Variants in ANKAR observed in about 807,000 individuals in gnomAD.
The protein encoded by ANKAR is ankyrin and armadillo repeat containing.
In ANKAR, 136 loss-of-function variants were observed where a neutral mutation model predicts 146.2. The observed-to-expected ratio is 0.93, with a 90% CI of 0.81 to 1.07. ANKAR has a LOEUF of 1.07. Among genes scored for constraint, ANKAR ranks in the 50% least tolerant of loss-of-function variants. The probability of loss-of-function intolerance (pLI) is 0.00; values close to 1 mark genes in which losing one functional copy is unlikely to be tolerated. For missense variants in ANKAR, 1,567 were observed against 1,679.9 expected (o/e 0.93, Z 1.18); for synonymous variants, 500 against 575.8 (o/e 0.87, Z 1.88).
chr2:189,732,227 T>A (rs918679532), intron 16 of ANKAR, among the ~76,000 whole-genome samples: 1 of 152,218 alleles, frequency 6.6e-6, no homozygotes, highest in Non-Finnish European at 1.5e-5. Flanking sequence ...CTTTAAAAAC[T>A]TATCTACTGA....
At chr2:189,741,574 T>A in intron 20 of ANKAR, 123 bp downstream of exon 20, 1 of 539,372 alleles carries the variant, frequency 1.9e-6, no homozygotes, top group Non-Finnish European at 3.1e-6. Flanking sequence ...TTCTTATTAC[T>A]AACTCAAAAT....
downstream of ANKAR, among the ~76,000 whole-genome samples, chr2:189,749,484 A>G (rs2044757010): frequency 6.6e-6 from 1 of 151,966 alleles, no homozygotes; most frequent in South Asian, 2.1e-4. Flanking sequence ...ACATTTAGTT[A>G]CTTTAATCAA....
At chr2:189,746,742 G>T, downstream of ANKAR, 1 of 1,147,264 alleles carries the variant, frequency 8.7e-7, no homozygotes, top group Non-Finnish European at 1.2e-6. Context: ...GAAAGTTCTT[G>T]ATCTCGATAC....
chr2:189,731,436 C>T (rs2042390794), intron 16 of ANKAR, among the ~76,000 whole-genome samples: 2 of 144,054 alleles, frequency 1.4e-5, no homozygotes. Context: ...TGCAATGGTG[C>T]CATCTCAGCT....
At chr2:189,707,230 A>G (rs1187157653) in intron 9 of ANKAR, 84 bp downstream of exon 9, 3 of 617,244 alleles carry the variant, frequency 4.9e-6, no homozygotes, top group Non-Finnish European at 7.5e-6. Flanking sequence ...AAATAAAATA[A>G]TACATGCATT....
intron 12 of ANKAR, among the ~76,000 whole-genome samples, chr2:189,723,887 T>C (rs1018664559): frequency 6.6e-6 from 1 of 152,206 alleles, no homozygotes; most frequent in Non-Finnish European, 1.5e-5. Context: ...TTTGGATTAC[T>C]GAATAGCTTA....
intron 9 of ANKAR, 87 bp from the exon 10 acceptor site, chr2:189,710,962 T>C: frequency 8.7e-7 from 1 of 1,147,062 alleles, no homozygotes; most frequent in Non-Finnish European, 1.3e-6. Flanking sequence ...CTGTTGGTTT[T>C]ATTTAGCTGG....
In ANKAR at chr2:189,743,409, T is replaced by C; in HGVS notation, c.3945T>C (p.Ser1315=). The change falls in exon 21 of 23, where the codon AGT becomes AGC. Residue 1315 remains serine (S), a synonymous_variant. Coordinates refer to ENST00000684021, the MANE Select transcript of ANKAR (RefSeq NM_001378068.1). ...RIKNNISRDA[S]INPAFLKEFQ... Reference sequence around the variant, plus strand: ...AAAATAATATCAGCAGAGATGCAAGTATTAACCCAGCATTTTTAAAGGAAT... The same window carrying C: ...AAAATAATATCAGCAGAGATGCAAGCATTAACCCAGCATTTTTAAAGGAAT... The C allele has an allele frequency of 6.2e-7, 1 of 1,613,990 alleles. No individual in the cohort carries two copies. Among genetic ancestry groups the C allele is most frequent in the South Asian group, 1.1e-5 (1 of 91,076 alleles).
chr2:189,680,377 T>C (rs912263742), intron 2 of ANKAR, among the ~76,000 whole-genome samples: 5 of 152,080 alleles, frequency 3.3e-5, no homozygotes, highest in Non-Finnish European at 7.4e-5. Context: ...TTTTATCTTT[T>C]CAAAAAACCA....
At chr2:189,717,413 A>C (rs1348714464) in intron 10 of ANKAR, among the ~76,000 whole-genome samples, 1 of 152,132 alleles carries the variant, frequency 6.6e-6, no homozygotes, top group Non-Finnish European at 1.5e-5. Flanking sequence ...GTTAGAATGG[A>C]GATCATTAAA....
At chr2:189,722,338 C>CAAAAAAAAA (rs10687526) in intron 12 of ANKAR, among the ~76,000 whole-genome samples, 1 of 128,440 alleles carries the variant, frequency 7.8e-6, no homozygotes, top group African/African-American at 3.0e-5. Flanking sequence ...GACTCCATCT[C>CAAAAAAAAA]AAAAAAAAAA....
chr2:189,718,231 T>C (rs975062564), intron 10 of ANKAR, among the ~76,000 whole-genome samples: 1 of 152,140 alleles, frequency 6.6e-6, no homozygotes, highest in Non-Finnish European at 1.5e-5. Context: ...GGCAGGAGGA[T>C]AGCTTGAGCC....
chr2:189,739,182 C>T (rs2043115326), intron 19 of ANKAR, among the ~76,000 whole-genome samples: 1 of 152,168 alleles, frequency 6.6e-6, no homozygotes, highest in Admixed American at 6.5e-5. Flanking sequence ...GTGTCTACTG[C>T]AGACCTAACC....
In ANKAR at chr2:189,744,634, A is replaced by G; in HGVS notation, c.4011-108A>G. The G allele has an allele frequency of 4.4e-6, 3 of 685,440 alleles. No individual in the cohort carries two copies. In the South Asian group the frequency reaches 5.5e-5, roughly 13 times the overall value. The allele number at this position is 685,440 out of a possible 1,614,324, so 42.5% of individuals were successfully genotyped here. On this transcript the variant is annotated intron_variant, in intron 21 of 22. Transcript: ENST00000684021. ...GGAGGTAACATGTATGAATTAGGCC[A>G]TTAGGCATTAAACCTGGTACTGTAA...
chr2:189,742,368 A>G (rs2043419033), intron 20 of ANKAR, among the ~76,000 whole-genome samples: 1 of 152,268 alleles, frequency 6.6e-6, no homozygotes, highest in East Asian at 1.9e-4. Context: ...CTACTATCAT[A>G]TTCCCTACAA....
chr2:189,724,673 T>C (rs1281085488), intron 12 of ANKAR, among the ~76,000 whole-genome samples: 1 of 152,120 alleles, frequency 6.6e-6, no homozygotes, highest in African/African-American at 2.4e-5. Flanking sequence ...TAAATTGATA[T>C]AAAGTGGGTA....
chr2:189,733,355 T>A, intron 17 of ANKAR, 126 bp downstream of exon 17: 1 of 834,064 alleles, frequency 1.2e-6, no homozygotes, highest in Non-Finnish European at 1.7e-6. Context: ...ATGTAAAAGA[T>A]CTCTTTGTAG....
intron 2 of ANKAR, among the ~76,000 whole-genome samples, chr2:189,680,217 T>C (rs1331878477): frequency 6.6e-6 from 1 of 152,220 alleles, no homozygotes; most frequent in African/African-American, 2.4e-5. Context: ...CTAGATTTTC[T>C]AGTTTGTGCA....
At chr2:189,688,272 A>G (rs995695650) in intron 2 of ANKAR, among the ~76,000 whole-genome samples, 1 of 152,148 alleles carries the variant, frequency 6.6e-6, no homozygotes, top group African/African-American at 2.4e-5. Flanking sequence ...AGTTCATTGT[A>G]TAAGTATGGA....
Sources: allele counts gnomAD v4.1 joint callset (sites outside exome capture counted in the v4.1 genomes callset), GRCh38; gene constraint gnomAD v4.1.1; transcripts MANE v1.5; gene names NCBI Gene and HGNC (gene_info 2026-07-23, HGNC 2026-07-21).